RAB31: variants seen among roughly 807,000 people sequenced by gnomAD.
The protein encoded by RAB31 is RAB31, member RAS oncogene family.
In RAB31, 21 loss-of-function variants were observed where a neutral mutation model predicts 25.6. The ratio of observed to expected loss-of-function variants is 0.82; its 90% confidence interval spans 0.58 to 1.18. The LOEUF (loss-of-function observed/expected upper bound fraction) is 1.18. Ranked by LOEUF, RAB31 falls within the 50% of genes most tolerant of loss-of-function variation. The pLI is 0.00. For missense variants in RAB31, 196 were observed against 250.1 expected (o/e 0.78, Z 1.46); for synonymous variants, 87 against 84.0 (o/e 1.04, Z -0.20).
At chr18:9,765,007 T>C (rs1599029458) in intron 1 of RAB31, among the ~76,000 whole-genome samples, 3 of 151,834 alleles carry the variant, frequency 2.0e-5, no homozygotes, top group Non-Finnish European at 4.4e-5. Context: ...CAGGCTGGAG[T>C]GCAATGCCGA....
intron 5 of RAB31, among the ~76,000 whole-genome samples, chr18:9,836,143 TGGCC>T (rs1201319583): frequency 1.3e-5 from 2 of 152,080 alleles, no homozygotes; most frequent in African/African-American, 4.8e-5. Context: ...GTGCTGCTCG[TGGCC>T]GGCTTAATTG....
intron 3 of RAB31, among the ~76,000 whole-genome samples, chr18:9,805,401 G>A (rs940414134): frequency 4.0e-5 from 6 of 151,838 alleles, no homozygotes; most frequent in Non-Finnish European, 8.8e-5. Context: ...GAGACCACTC[G>A]CATTCCTTGG....
At chr18:9,857,675 A>AGATAGAT (rs1491187239) in intron 6 of RAB31, among the ~76,000 whole-genome samples, 1 of 124,128 alleles carries the variant, frequency 8.1e-6, no homozygotes, top group Non-Finnish European at 1.9e-5. Flanking sequence ...ATAGATAGAT[A>AGATAGAT]GATAGATAGA....
intron 1 of RAB31, among the ~76,000 whole-genome samples, chr18:9,715,327 C>T (rs1253230515): frequency 1.3e-5 from 2 of 151,982 alleles, no homozygotes; most frequent in East Asian, 1.9e-4. Flanking sequence ...CAGTCCCTCC[C>T]CTCCCAGCCT....
intron 1 of RAB31, 148 bp from the exon 2 acceptor site, chr18:9,775,130 A>G (rs1318184578): frequency 3.2e-6 from 4 of 1,240,936 alleles, no homozygotes; most frequent in Non-Finnish European, 1.1e-6. Context: ...GGTGAGAAAT[A>G]GAAGAAAATA....
At chr18:9,829,298 AC>A (rs2068665656) in intron 5 of RAB31, among the ~76,000 whole-genome samples, 2 of 152,094 alleles carry the variant, frequency 1.3e-5, no homozygotes, top group South Asian at 4.1e-4. Flanking sequence ...CCGTTTTTGA[AC>A]TTTGTAAGCG....
intron 1 of RAB31, among the ~76,000 whole-genome samples, chr18:9,747,975 T>C (rs1464546617): frequency 2.6e-5 from 4 of 152,196 alleles, no homozygotes; most frequent in Admixed American, 2.6e-4. Flanking sequence ...ATGGCACATA[T>C]AACACCTACG....
At chr18:9,712,308 C>T (rs954428948) in intron 1 of RAB31, among the ~76,000 whole-genome samples, 1 of 152,190 alleles carries the variant, frequency 6.6e-6, no homozygotes. Flanking sequence ...TGGGTTTATT[C>T]CACATGGGGA....
intron 1 of RAB31, chr18:9,774,883 T>C (rs2068363982): frequency 1.9e-6 from 1 of 519,840 alleles, no homozygotes; most frequent in South Asian, 1.4e-5. Flanking sequence ...TACGTGTCTT[T>C]TGAATGCAAG....
intron 3 of RAB31, among the ~76,000 whole-genome samples, chr18:9,809,984 C>A (rs1231813906): frequency 6.6e-6 from 1 of 152,234 alleles, no homozygotes; most frequent in East Asian, 1.9e-4. Flanking sequence ...AGGCCGTTCC[C>A]GTCTCCCCTG....
intron 1 of RAB31, among the ~76,000 whole-genome samples, chr18:9,734,597 C>A (rs1209234465): frequency 1.3e-5 from 2 of 152,012 alleles, no homozygotes; most frequent in African/African-American, 4.8e-5. Flanking sequence ...AAAGGAGAGG[C>A]AGGCAGGGTG....
intron 1 of RAB31, among the ~76,000 whole-genome samples, chr18:9,717,111 A>G (rs1599009504): frequency 6.8e-6 from 1 of 147,344 alleles, no homozygotes. Context: ...ACAGGGTCTT[A>G]CTCTGTCATC....
At chr18:9,857,632 G>A (rs2068823060) in intron 6 of RAB31, among the ~76,000 whole-genome samples, 1 of 147,424 alleles carries the variant, frequency 6.8e-6, no homozygotes, top group African/African-American at 2.5e-5. Context: ...ACACTAACTA[G>A]CCAATAATAT....
At chr18:9,842,011 G>C (rs1319438183) in intron 5 of RAB31, among the ~76,000 whole-genome samples, 5 of 152,080 alleles carry the variant, frequency 3.3e-5, no homozygotes, top group Non-Finnish European at 5.9e-5. Flanking sequence ...CGAAACAAAG[G>C]CCTCCTATAA....
chr18:9,720,410 C>G lies in RAB31; in HGVS notation c.39+11966C>G, dbSNP rs575581735. On this transcript the variant is annotated intron_variant, in intron 1 of 6. Coordinates refer to ENST00000578921, the MANE Select transcript of RAB31 (RefSeq NM_006868.4). ...AGTACCAGACATCCCAGTGGGATAT[C>G]GCCAGATGCTTAGTTGCCAGATGTT... 5.9e-5 allele frequency among the ~76,000 whole-genome samples: 9 copies of G among 152,292 alleles called. No individual in the cohort carries two copies. In the South Asian group the frequency reaches 1.9e-3, roughly 32 times the overall value.
intron 1 of RAB31, 100 bp from the exon 2 acceptor site, chr18:9,775,178 T>C (rs1446886829): frequency 3.3e-5 from 52 of 1,568,880 alleles, no homozygotes; most frequent in Non-Finnish European, 3.9e-5. Flanking sequence ...CAACCAGAAA[T>C]AGCCAGTCGT....
chr18:9,790,070 C>T (rs2068452625), intron 2 of RAB31, among the ~76,000 whole-genome samples: 2 of 152,128 alleles, frequency 1.3e-5, no homozygotes, highest in Non-Finnish European at 2.9e-5. Flanking sequence ...AGGTGAAGAA[C>T]CCCTGACTCT....
At chr18:9,833,176 C>G (rs1171572190) in intron 5 of RAB31, among the ~76,000 whole-genome samples, 1 of 152,170 alleles carries the variant, frequency 6.6e-6, no homozygotes, top group Non-Finnish European at 1.5e-5. Context: ...AGAAAATGGC[C>G]CAGGAAGGCC....
intron 2 of RAB31, among the ~76,000 whole-genome samples, chr18:9,782,314 G>A (rs1001475965): frequency 6.6e-6 from 1 of 152,186 alleles, no homozygotes; most frequent in African/African-American, 2.4e-5. Flanking sequence ...CACACAGCCC[G>A]TGAGCAGCCC....
Sources: allele counts gnomAD v4.1 joint callset (sites outside exome capture counted in the v4.1 genomes callset), GRCh38; gene constraint gnomAD v4.1.1; transcripts MANE v1.5; gene names NCBI Gene and HGNC (gene_info 2026-07-23, HGNC 2026-07-21).